Variants in CALN1 observed in about 807,000 individuals in gnomAD.
CALN1 encodes the protein calcium-binding protein 8.
Under a neutral mutation model 30.6 loss-of-function variants are expected in CALN1, and 17 were observed. The ratio of observed to expected loss-of-function variants is 0.56; its 90% confidence interval spans 0.38 to 0.83. The LOEUF (loss-of-function observed/expected upper bound fraction) is 0.83, where lower values mean the gene tolerates loss of function less well. CALN1 is among the 40% of genes least tolerant of loss of function. The probability of loss-of-function intolerance (pLI) is 0.00; values close to 1 mark genes in which losing one functional copy is unlikely to be tolerated. For missense variants in CALN1, 291 were observed against 354.9 expected (o/e 0.82, Z 1.45); for synonymous variants, 156 against 131.4 (o/e 1.19, Z -1.28).
chr7:71,851,108 T>C (rs1200731279), intron 5 of CALN1, among the ~76,000 whole-genome samples: 1 of 151,864 alleles, frequency 6.6e-6, no homozygotes, highest in Non-Finnish European at 1.5e-5. Context: ...CCTAGCTACT[T>C]GGGAGGCTAA....
chr7:72,350,676 A>ATATC (rs1041027971), intron 2 of CALN1, among the ~76,000 whole-genome samples: 1 of 152,196 alleles, frequency 6.6e-6, no homozygotes, highest in Non-Finnish European at 1.5e-5. Flanking sequence ...CCTACCAGAT[A>ATATC]CTATGCTTAT....
chr7:72,262,954 G>C (rs1796365126), intron 3 of CALN1, among the ~76,000 whole-genome samples: 1 of 152,194 alleles, frequency 6.6e-6, no homozygotes, highest in Non-Finnish European at 1.5e-5. Context: ...GGGTTGTCCA[G>C]ATTCTTCCAT....
intron 2 of CALN1, among the ~76,000 whole-genome samples, chr7:72,349,043 TGTA>T (rs1241171826): frequency 6.6e-6 from 1 of 152,028 alleles, no homozygotes; most frequent in Non-Finnish European, 1.5e-5. Context: ...CAAATAAAAT[TGTA>T]GTGCTGAAAA....
At position 72,228,354 on chromosome 7, in the gene CALN1, C is replaced by G. The variant is rs1394566193; in HGVS notation, c.244+50332G>C. On this transcript the variant is annotated intron_variant, in intron 3 of 6. Coordinates refer to ENST00000395275, the MANE Select transcript of CALN1 (RefSeq NM_031468.4). ...ATCACATAACAATTAGTTTAAATGT[C>G]TGGCTTCCCCACTGGGTTGAGAGCT... Among the ~76,000 whole-genome samples the G allele has an allele frequency of 1.3e-5, 2 of 151,740 alleles. 1 individual carries two copies.
intron 1 of CALN1, among the ~76,000 whole-genome samples, chr7:72,407,813 G>A (rs1194653107): frequency 6.6e-6 from 1 of 152,110 alleles, no homozygotes; most frequent in South Asian, 2.1e-4. Flanking sequence ...ACACAGGGCC[G>A]GATGGAGGTG....
At chr7:72,420,212 T>C (rs1807561588) in intron 1 of CALN1, among the ~76,000 whole-genome samples, 1 of 151,962 alleles carries the variant, frequency 6.6e-6, no homozygotes, top group South Asian at 2.1e-4. Flanking sequence ...TATGAAGACA[T>C]GACTAGAAAG....
intron 5 of CALN1, among the ~76,000 whole-genome samples, chr7:71,959,512 T>C (rs1300469013): frequency 6.6e-6 from 1 of 152,130 alleles, no homozygotes; most frequent in African/African-American, 2.4e-5. Flanking sequence ...GCATAGAGCA[T>C]AGGGGTATAC....
chr7:72,408,041 C>A (rs1806824998), intron 1 of CALN1, among the ~76,000 whole-genome samples: 1 of 152,130 alleles, frequency 6.6e-6, no homozygotes, highest in African/African-American at 2.4e-5. Context: ...CATTTAGGCG[C>A]AGGCAGGAGC....
chr7:72,409,341 T>C (rs1397609026), intron 1 of CALN1, among the ~76,000 whole-genome samples: 2 of 151,532 alleles, frequency 1.3e-5, no homozygotes, highest in African/African-American at 2.4e-5. Context: ...ATGCACCAGA[T>C]TGGTTGCTGA....
At chr7:71,950,235 A>C (rs946605288) in intron 5 of CALN1, among the ~76,000 whole-genome samples, 1 of 152,192 alleles carries the variant, frequency 6.6e-6, no homozygotes, top group Non-Finnish European at 1.5e-5. Context: ...TTTTAGCCAC[A>C]GCACAAGTAT....
chr7:72,006,509 A>C (rs903830047), intron 5 of CALN1, among the ~76,000 whole-genome samples: 2 of 152,186 alleles, frequency 1.3e-5, no homozygotes, highest in African/African-American at 2.4e-5. Flanking sequence ...AAATTCTCTC[A>C]GACTGGCTTA....
intron 3 of CALN1, among the ~76,000 whole-genome samples, chr7:72,185,235 T>C (rs991723144): frequency 8.5e-5 from 13 of 152,200 alleles, no homozygotes; most frequent in Middle Eastern, 3.4e-3. Context: ...AAAATGTACA[T>C]GGGAAAGAGA....
At chr7:72,309,429 C>T (rs1372705704) in intron 2 of CALN1, among the ~76,000 whole-genome samples, 1 of 152,136 alleles carries the variant, frequency 6.6e-6, no homozygotes, top group Non-Finnish European at 1.5e-5. Context: ...TCTGATGGAG[C>T]ACATGTCCCG....
At chr7:72,266,391 G>C (rs992226414) in intron 3 of CALN1, among the ~76,000 whole-genome samples, 2 of 152,180 alleles carry the variant, frequency 1.3e-5, no homozygotes, top group Admixed American at 1.3e-4. Flanking sequence ...TTAAAATATA[G>C]TTGAGAAAAC....
intron 5 of CALN1, among the ~76,000 whole-genome samples, chr7:71,823,589 G>A (rs1055781443): frequency 3.3e-5 from 5 of 152,180 alleles, no homozygotes; most frequent in East Asian, 1.9e-4. Flanking sequence ...ATGGTGGCAG[G>A]CGCCTGTAGT....
chr7:72,018,585 T>A (rs974083685), intron 5 of CALN1, among the ~76,000 whole-genome samples: 1 of 152,158 alleles, frequency 6.6e-6, no homozygotes, highest in African/African-American at 2.4e-5. Flanking sequence ...GCTGAGCGTA[T>A]GCCGGGAGGA....
intron 2 of CALN1, among the ~76,000 whole-genome samples, chr7:72,296,476 T>G (rs1330566316): frequency 1.3e-5 from 2 of 151,714 alleles, no homozygotes; most frequent in Non-Finnish European, 2.9e-5. Flanking sequence ...AATTCGGCCG[T>G]GAATCCATCT....
intron 3 of CALN1, among the ~76,000 whole-genome samples, chr7:72,221,127 C>T (rs1264307706): frequency 6.6e-6 from 1 of 151,976 alleles, no homozygotes; most frequent in Non-Finnish European, 1.5e-5. Context: ...AAATTTGCAA[C>T]AATTTCTAAA....
chr7:72,247,420 TG>T (rs1795265338), intron 3 of CALN1, among the ~76,000 whole-genome samples: 1 of 151,736 alleles, frequency 6.6e-6, no homozygotes, highest in South Asian at 2.1e-4. Flanking sequence ...ACTAATTTTT[TG>T]TATTTTTAGT....
Sources: gnomAD v4.1 joint callset for allele counts (sites outside exome capture counted in the v4.1 genomes callset) on GRCh38, gnomAD v4.1.1 for gene constraint, MANE v1.5 for transcripts, NCBI Gene and HGNC (gene_info 2026-07-23, HGNC 2026-07-21) for gene names.